The following PROX1 variants were observed in gnomAD, a reference collection of about 807,000 sequenced individuals.
PROX1 encodes the protein prospero homeobox 1.
Under a neutral mutation model 58.8 loss-of-function variants are expected in PROX1, and 7 were observed. That is an observed-to-expected ratio of 0.12 (90% confidence interval 0.07 to 0.22). PROX1 has a LOEUF of 0.22. Among genes scored for constraint, PROX1 ranks in the 10% least tolerant of loss-of-function variants. The pLI is 1.00. For synonymous variants in PROX1, 350 were observed against 358.3 expected, an observed-to-expected ratio of 0.98 and a Z score of 0.26; for missense variants, 675 against 927.8, an observed-to-expected ratio of 0.73 and a Z score of 3.54.
chr1:214,026,154 TG>T (rs1451969829), intron 4 of PROX1, among the ~76,000 whole-genome samples: 2 of 152,206 alleles, frequency 1.3e-5, no homozygotes, highest in Middle Eastern at 3.2e-3. Flanking sequence ...CTTGCATATT[TG>T]TTTGTTTGTT....
chr1:214,039,220 C>T lies in PROX1; in HGVS notation c.*3386C>T, dbSNP rs1664927111. On this transcript the variant is annotated 3_prime_UTR_variant, in exon 5 of 5. Coordinates refer to ENST00000366958, the MANE Select transcript of PROX1 (RefSeq NM_001270616.2). ...AAAGAATGTTCTATTTGCAACAAAACATTTAATTCTTACTGTATCTCTGGC... is the reference window on the plus strand; with the variant it reads ...AAAGAATGTTCTATTTGCAACAAAATATTTAATTCTTACTGTATCTCTGGC... The T allele has an allele frequency of 6.6e-6, 1 of 152,104 alleles. No individual in the cohort carries two copies. The highest frequency in any genetic ancestry group is 6.5e-5 in the Admixed American group (1 of 15,276). 9.4% of individuals were successfully genotyped at this position (152,104 alleles called of 1,614,324 possible). A position where few individuals can be genotyped will look rare whatever the true frequency, so the allele number is the denominator to read the frequency against.
rs189831267 is a variant in PROX1, at chr1:214,020,357, G to T, written c.2028+8642G>T. Among the ~76,000 whole-genome samples the T allele has an allele frequency of 2.5e-3, 379 of 152,226 alleles. 5 individuals are homozygous for T. Among genetic ancestry groups the T allele is most frequent in the Non-Finnish European group, 2.5e-3 (170 of 68,030 alleles). On this transcript the variant is annotated intron_variant, in intron 4 of 4. Coordinates refer to ENST00000366958, the MANE Select transcript of PROX1 (RefSeq NM_001270616.2). ...GCTGTGCACGTTACAGTCTTCTGAA[G>T]GTTCCTTTCTCTAAGTGAATCTTCA...
intron 4 of PROX1, among the ~76,000 whole-genome samples, chr1:214,023,500 G>A (rs1664353746): frequency 6.6e-6 from 1 of 152,128 alleles, no homozygotes; most frequent in Admixed American, 6.5e-5. Flanking sequence ...GGGATTACAG[G>A]TGTGCATCAC....
intron 4 of PROX1, among the ~76,000 whole-genome samples, chr1:214,026,638 C>A (rs554652551): frequency 2.0e-4 from 30 of 152,288 alleles, no homozygotes; most frequent in African/African-American, 7.0e-4. Context: ...TTATCAACAT[C>A]ATAATGCTGT....
intron 2 of PROX1, among the ~76,000 whole-genome samples, chr1:214,004,681 A>G (rs773354551): frequency 4.6e-5 from 7 of 152,240 alleles, no homozygotes; most frequent in Admixed American, 6.5e-5. Flanking sequence ...CTTGCATAGC[A>G]GTGTTCAAAA....
intron 3 of PROX1, among the ~76,000 whole-genome samples, chr1:214,008,837 A>C (rs1663811020): frequency 6.6e-6 from 1 of 152,164 alleles, no homozygotes; most frequent in Non-Finnish European, 1.5e-5. Flanking sequence ...TCTCACAGAG[A>C]GCCAACTTAA....
intron 4 of PROX1, among the ~76,000 whole-genome samples, chr1:214,032,035 G>T (rs1001921173): frequency 1.3e-5 from 2 of 152,086 alleles, no homozygotes; most frequent in Admixed American, 1.3e-4. Flanking sequence ...CATTTTATTT[G>T]TTCACAAAGA....
At chr1:214,014,047 C>T (rs1033625585) in intron 4 of PROX1, among the ~76,000 whole-genome samples, 7 of 152,190 alleles carry the variant, frequency 4.6e-5, no homozygotes, top group Non-Finnish European at 7.3e-5. Flanking sequence ...TTTAGCCTCT[C>T]GGTCTGGCTC....
At chr1:213,996,363 TAA>T in intron 1 of PROX1, 104 bp from the exon 2 acceptor site, 1 of 670,680 alleles carries the variant, frequency 1.5e-6, no homozygotes, top group Non-Finnish European at 2.4e-6. Flanking sequence ...TAATGTGCCA[TAA>T]ATCCCAGAGC....
At position 214,032,507 on chromosome 1, in the gene PROX1, A is replaced by T. The variant is rs1664692672; in HGVS notation, c.2029-3142A>T. 2.6e-5 allele frequency among the ~76,000 whole-genome samples: 4 copies of T among 151,384 alleles called. No homozygotes were observed. In the South Asian group the frequency reaches 8.4e-4, roughly 32 times the overall value. On this transcript the variant is annotated intron_variant, in intron 4 of 4. Transcript: ENST00000366958. ...CCACCTGGGCTCAAGCCATCCTCTC[A>T]CCTCCACCTCCCAGTAGCTGGGACC...
At chr1:213,992,058 G>A (rs1663056921) in intron 1 of PROX1, among the ~76,000 whole-genome samples, 1 of 152,136 alleles carries the variant, frequency 6.6e-6, no homozygotes, top group Non-Finnish European at 1.5e-5. Context: ...ATTTTCTTAA[G>A]ATTATTTCAC....
intron 4 of PROX1, among the ~76,000 whole-genome samples, chr1:214,022,513 C>T (rs1664315900): frequency 6.6e-6 from 1 of 152,172 alleles, no homozygotes; most frequent in African/African-American, 2.4e-5. Flanking sequence ...CAACGTAAAA[C>T]TGGTTTTCAC....
rs1277894062 is a variant in PROX1, at chr1:214,011,606, G to A, written c.1919G>A (p.Arg640His). The stretch of plus-strand genomic sequence containing the variant: ...TACATTCAGATGGAGAAGTACGCAC[G>A]TCAAGCCATCAACGATGGGGTCACC... ...FYYIQMEKYA[R>H]QAINDGVTST... The change falls in exon 4 of 5, where the codon CGT (arginine) becomes CAT (histidine). Residue 640 changes from arginine to histidine, a missense_variant. Arg to His is a conservative substitution (Grantham distance 29). Around this residue, in one of 8 missense-constraint regions of PROX1, gnomAD observed 50 missense variants for 79.3 expected, o/e 0.63. Transcript: ENST00000366958. 5.0e-6 allele frequency: 8 copies of A among 1,614,008 alleles called. No homozygotes were observed. The highest frequency in any genetic ancestry group is 1.1e-5 in the South Asian group (1 of 91,076).
intron 4 of PROX1, among the ~76,000 whole-genome samples, chr1:214,012,441 A>G (rs968346692): frequency 7.9e-5 from 12 of 152,230 alleles, no homozygotes; most frequent in African/African-American, 2.9e-4. Flanking sequence ...AGAAAGCAAT[A>G]TCCATGCAAC....
chr1:214,002,977 A>T (rs1389645314), intron 2 of PROX1, among the ~76,000 whole-genome samples: 1 of 152,244 alleles, frequency 6.6e-6, no homozygotes, highest in Admixed American at 6.5e-5. Context: ...TCAACTGATC[A>T]GTTCCAAGTA....
Position 213,997,572 on chromosome 1 carries a change from A to G in PROX1, c.1037A>G (p.Lys346Arg), listed in dbSNP as rs376783773. 43 of 1,614,048 alleles carry G rather than the reference A, an allele frequency of 2.7e-5. No individual in the cohort carries two copies. The highest frequency in any genetic ancestry group is 3.1e-5 in the Non-Finnish European group (36 of 1,180,024). ...CCAAACTCCTTACAACCGGAAGGCA[A>G]ACATTTGGCTGAGACCTTGAAACAG... Reference protein sequence around the residue: ...HGPNSLQPEGKHLAETLKQEL... With the variant: ...HGPNSLQPEGRHLAETLKQEL... The change falls in exon 2 of 5, where the codon AAA becomes AGA. Residue 346 changes from lysine (K) to arginine (R), a missense_variant. By Grantham distance (26) the Lys-to-Arg change is conservative (BLOSUM62 2). Coordinates refer to ENST00000366958, the MANE Select transcript of PROX1 (RefSeq NM_001270616.2). The surrounding 1 kb of genome is among the most constrained non-coding windows in gnomAD (Gnocchi z 7.1).
At chr1:214,002,544 T>A (rs1663559693) in intron 2 of PROX1, among the ~76,000 whole-genome samples, 1 of 152,034 alleles carries the variant, frequency 6.6e-6, no homozygotes, top group South Asian at 2.1e-4. Flanking sequence ...CACAGCCACA[T>A]GAGCTGCTGG....
At chr1:214,034,661 T>C (rs1276617897) in intron 4 of PROX1, among the ~76,000 whole-genome samples, 1 of 151,828 alleles carries the variant, frequency 6.6e-6, no homozygotes, top group South Asian at 2.1e-4. Context: ...ATCAGATTAA[T>C]AAGTAATTAA....
chr1:213,998,334 T>C lies in PROX1; in HGVS notation c.1725+74T>C. The C allele has an allele frequency of 2.7e-6, 4 of 1,459,550 alleles. No individual in the cohort carries two copies. The East Asian group carries it at 6.9e-5, about 25-fold the overall frequency. The allele number at this position is 1,459,550 out of a possible 1,614,324, so 90.4% of individuals were successfully genotyped here. A position where few individuals can be genotyped will look rare whatever the true frequency, so the allele number is the denominator to read the frequency against. On this transcript the variant is annotated intron_variant, in intron 2 of 4. Coordinates refer to ENST00000366958, the MANE Select transcript of PROX1 (RefSeq NM_001270616.2). The stretch of plus-strand genomic sequence containing the variant: ...CCCAAAAGGTTGGGTTTACACAATA[T>C]CTAGAGTAATGTAGATTAGTATCTT...
Sources: gnomAD v4.1 joint callset for allele counts (sites outside exome capture counted in the v4.1 genomes callset) on GRCh38, gnomAD v4.1.1 for gene constraint, gnomAD v4.1.1 regional missense constraint, Gnocchi (gnomAD v3.1) non-coding constraint, MANE v1.5 for transcripts, NCBI Gene and HGNC (gene_info 2026-07-23, HGNC 2026-07-21) for gene names.